The following CNTN6 variants were observed in gnomAD, a reference collection of about 807,000 sequenced individuals.
CNTN6 encodes the protein contactin-6.
In CNTN6, 137 loss-of-function variants were observed where a neutral mutation model predicts 122.8. That is an observed-to-expected ratio of 1.12 (90% CI 0.97 to 1.29). The LOEUF (loss-of-function observed/expected upper bound fraction) is 1.29, where lower values mean the gene tolerates loss of function less well. CNTN6 is among the 50% of genes most tolerant of loss of function. The probability of loss-of-function intolerance (pLI) is 0.00; values close to 1 mark genes in which losing one functional copy is unlikely to be tolerated. For missense variants in CNTN6, 1,634 were observed against 1,223.4 expected (o/e 1.34, Z -5.01); for synonymous variants, 570 against 426.0 (o/e 1.34, Z -4.16).
At chr3:1,402,593 G>C (rs2126265791) in intron 22 of CNTN6, 107 bp downstream of exon 22, 1 of 945,296 alleles carries the variant, frequency 1.1e-6, no homozygotes, top group Non-Finnish European at 1.5e-6. Context: ...TGGGTGATAA[G>C]ATAAATTTTC....
chr3:1,339,150 G>T (rs116274151), intron 11 of CNTN6, among the ~76,000 whole-genome samples: 4,657 of 150,590 alleles, frequency 0.031, 122 homozygotes, highest in South Asian at 0.054. Context: ...CAAATGAAAT[G>T]TATGCAAGAA....
At chr3:1,390,207 T>C (rs1237832638) in intron 20 of CNTN6, among the ~76,000 whole-genome samples, 1 of 151,990 alleles carries the variant, frequency 6.6e-6, no homozygotes, top group Non-Finnish European at 1.5e-5. Flanking sequence ...TATAACAAAC[T>C]ATCTCTCAGG....
At chr3:1,241,531 A>G (rs2094484504) in intron 4 of CNTN6, among the ~76,000 whole-genome samples, 1 of 152,176 alleles carries the variant, frequency 6.6e-6, no homozygotes, top group Non-Finnish European at 1.5e-5. Flanking sequence ...GGAAGATACA[A>G]GGTCCGAATT....
At chr3:1,347,654 G>A (rs1227107181) in intron 11 of CNTN6, among the ~76,000 whole-genome samples, 9 of 152,214 alleles carry the variant, frequency 5.9e-5, no homozygotes, top group Non-Finnish European at 8.8e-5. Context: ...ATAGTAACTG[G>A]AGTCTTGGAA....
At chr3:1,294,193 A>G (rs772363690) in intron 5 of CNTN6, among the ~76,000 whole-genome samples, 2 of 152,206 alleles carry the variant, frequency 1.3e-5, no homozygotes, top group Non-Finnish European at 2.9e-5. Context: ...TCTGGAAATA[A>G]TCCAAATGCT....
intron 1 of CNTN6, among the ~76,000 whole-genome samples, chr3:1,119,322 C>CATGTGTGTGTGT (rs1553600487): frequency 5.1e-4 from 64 of 126,550 alleles, no homozygotes; most frequent in African/African-American, 1.9e-3. Context: ...ACAGAAAAAT[C>CATGTGTGTGTGT]GTGTGTGTGT....
At chr3:1,393,529 C>A (rs1417688238) in intron 20 of CNTN6, among the ~76,000 whole-genome samples, 1 of 134,888 alleles carries the variant, frequency 7.4e-6, no homozygotes. Context: ...GCACGTTGTG[C>A]ACATGTACCC....
intron 2 of CNTN6, among the ~76,000 whole-genome samples, chr3:1,150,183 A>G (rs1228553718): frequency 6.6e-6 from 1 of 152,188 alleles, no homozygotes; most frequent in Non-Finnish European, 1.5e-5. Flanking sequence ...TAGACGTTTC[A>G]TGGTGTGTCT....
rs1158410747 is a variant in CNTN6, at chr3:1,102,727, CA to C, written c.-83+9613del. 2.0e-5 allele frequency among the ~76,000 whole-genome samples: 3 copies of C among 149,048 alleles called. 1 individual carries two copies. Among genetic ancestry groups the C allele is most frequent in the African/African-American group, 4.9e-5 (2 of 40,972 alleles). On this transcript the variant is annotated intron_variant, in intron 1 of 22. Transcript: ENST00000446702. ...TGGGCGACAGGGCGAGACTCCGTCTCAAAAAATAAATAAATACATAAATAAG... is the reference window on the plus strand; with the variant it reads ...TGGGCGACAGGGCGAGACTCCGTCTCAAAAATAAATAAATACATAAATAAG...
rs1255282833 is a variant in CNTN6, at chr3:1,368,234, C to A, written c.1493-4065C>A. Among the ~76,000 whole-genome samples the A allele has an allele frequency of 3.9e-5, 6 of 152,258 alleles. No homozygotes were observed. The East Asian group carries it at 9.7e-4, about 25-fold the overall frequency. ...TTGAACTATACGAAAATCATGAAGT[C>A]CCTTTCAATTTCTTGTACAACCTCC... On this transcript the variant is annotated intron_variant, in intron 12 of 22. Transcript: ENST00000446702.
At chr3:1,315,043 A>G (rs1181943384) in intron 7 of CNTN6, among the ~76,000 whole-genome samples, 1 of 151,992 alleles carries the variant, frequency 6.6e-6, no homozygotes, top group Admixed American at 6.6e-5. Flanking sequence ...ATTGGAGTTT[A>G]AAGGGAAATG....
rs142122559 is a variant in CNTN6, at chr3:1,127,969, G to A, written c.-82-19958G>A. 1.2e-3 allele frequency among the ~76,000 whole-genome samples: 178 copies of A among 151,776 alleles called. 6 individuals are homozygous for A. In the East Asian group the frequency reaches 0.033, roughly 28 times the overall value. Reference sequence around the variant, plus strand: ...TAAATTGAGTGAGCACAGTCTTTAGGGCCTACAGTTTCAAAGTTTTGTATT... The same window carrying A: ...TAAATTGAGTGAGCACAGTCTTTAGAGCCTACAGTTTCAAAGTTTTGTATT... On this transcript the variant is annotated intron_variant, in intron 1 of 22. Coordinates refer to ENST00000446702, the MANE Select transcript of CNTN6 (RefSeq NM_001289080.2).
chr3:1,302,667 T>C (rs1697625546), intron 7 of CNTN6, among the ~76,000 whole-genome samples: 1 of 152,180 alleles, frequency 6.6e-6, no homozygotes, highest in Non-Finnish European at 1.5e-5. Context: ...ACCCCATACA[T>C]GTGCTCACAT....
At chr3:1,385,942 T>C (rs947713383) in intron 20 of CNTN6, 145 bp downstream of exon 20, 11 of 674,582 alleles carry the variant, frequency 1.6e-5, no homozygotes, top group Non-Finnish European at 2.2e-5. Context: ...ATATGGATAC[T>C]TGTTGAAACC....
At chr3:1,195,583 A>G (rs1223841079) in intron 2 of CNTN6, among the ~76,000 whole-genome samples, 1 of 152,172 alleles carries the variant, frequency 6.6e-6, no homozygotes, top group Non-Finnish European at 1.5e-5. Context: ...GGGTCTATAC[A>G]GACATCTTTA....
At chr3:1,283,066 T>A (rs1693743798) in intron 5 of CNTN6, among the ~76,000 whole-genome samples, 1 of 151,940 alleles carries the variant, frequency 6.6e-6, no homozygotes, top group African/African-American at 2.4e-5. Flanking sequence ...TCCACCTCCC[T>A]GGTTCAAGCG....
At chr3:1,103,855 AG>A (rs2091078826) in intron 1 of CNTN6, among the ~76,000 whole-genome samples, 1 of 152,140 alleles carries the variant, frequency 6.6e-6, no homozygotes, top group African/African-American at 2.4e-5. Flanking sequence ...TTAGTCTTTG[AG>A]TATTAGCCCC....
chr3:1,148,612 T>G (rs911031744), intron 2 of CNTN6, among the ~76,000 whole-genome samples: 1 of 152,202 alleles, frequency 6.6e-6, no homozygotes, highest in African/African-American at 2.4e-5. Flanking sequence ...AAGAACATGT[T>G]CTTTTATTCA....
chr3:1,167,501 A>T (rs1225763024), intron 2 of CNTN6, among the ~76,000 whole-genome samples: 1 of 152,208 alleles, frequency 6.6e-6, no homozygotes, highest in Non-Finnish European at 1.5e-5. Context: ...ATATTAAAAT[A>T]ATGAAGTGCC....
Sources: allele counts gnomAD v4.1 joint callset (sites outside exome capture counted in the v4.1 genomes callset), GRCh38; gene constraint gnomAD v4.1.1; transcripts MANE v1.5; gene names NCBI Gene and HGNC (gene_info 2026-07-23, HGNC 2026-07-21).